Variants in CADPS2 observed in about 807,000 individuals in gnomAD.
CADPS2 encodes the protein calcium dependent secretion activator 2.
Under a neutral mutation model 172.5 loss-of-function variants are expected in CADPS2, and 93 were observed. The observed-to-expected ratio is 0.54, with a 90% CI of 0.46 to 0.64. The LOEUF is 0.64. Ranked by LOEUF, CADPS2 falls within the 30% of genes least tolerant of loss-of-function variation. The pLI is 0.00. For synonymous variants in CADPS2, 546 were observed against 555.2 expected, an observed-to-expected ratio of 0.98 and a Z score of 0.23; for missense variants, 1,420 against 1,565.9, an observed-to-expected ratio of 0.91 and a Z score of 1.57.
chr7:122,469,894 T>C (rs1257363610), intron 14 of CADPS2, among the ~76,000 whole-genome samples: 5 of 152,126 alleles, frequency 3.3e-5, no homozygotes, highest in African/African-American at 1.2e-4. Context: ...ATGAGATAAG[T>C]ACAGACAAAA....
intron 27 of CADPS2, among the ~76,000 whole-genome samples, chr7:122,345,918 C>CCTTTTT (rs2037547835): frequency 5.8e-5 from 8 of 138,754 alleles, no homozygotes; most frequent in Non-Finnish European, 1.2e-4. Flanking sequence ...CCGTAGATAT[C>CCTTTTT]TTTTTTTTTT....
At chr7:122,548,526 A>G (rs1241083462) in intron 8 of CADPS2, among the ~76,000 whole-genome samples, 3 of 152,344 alleles carry the variant, frequency 2.0e-5, no homozygotes, top group South Asian at 4.1e-4. Flanking sequence ...AAATTTTAAT[A>G]TCACAACTAG....
chr7:122,676,889 T>C (rs145511563), intron 2 of CADPS2: 2 of 483,986 alleles, frequency 4.1e-6, no homozygotes, highest in African/African-American at 3.9e-5. Context: ...AATGGATTCT[T>C]TGTTGGCACT....
chr7:122,592,988 G>GAATAAATAAATAAATA (rs141800604), intron 6 of CADPS2, among the ~76,000 whole-genome samples: 51 of 148,244 alleles, frequency 3.4e-4, no homozygotes, highest in African/African-American at 9.5e-4. Context: ...GAAGTAAAAT[G>GAATAAATAAATAAATA]AATAAATAAA....
chr7:122,645,455 GTA>G lies in CADPS2; in HGVS notation c.787-16129_787-16128del, dbSNP rs1404886897. Among the ~76,000 whole-genome samples the G allele has an allele frequency of 4.9e-5, 4 of 81,294 alleles. No homozygotes were observed. The East Asian group carries it at 1.0e-3, about 21-fold the overall frequency. 53.3% of individuals were successfully genotyped at this position (81,294 alleles called of 152,430 possible). On this transcript the variant is annotated intron_variant, in intron 3 of 29. Coordinates refer to ENST00000449022, the MANE Select transcript of CADPS2 (RefSeq NM_017954.11). ...TATATGTATATATACACACACATAT[GTA>G]TATATGTGTATATATGTATATATAT... is the stretch of plus-strand genomic sequence containing the variant.
chr7:122,446,290 G>A (rs2052187669), intron 15 of CADPS2, among the ~76,000 whole-genome samples: 1 of 152,126 alleles, frequency 6.6e-6, no homozygotes, highest in South Asian at 2.1e-4. Flanking sequence ...AGATGCTGGA[G>A]ATAGTTTTGT....
chr7:122,626,387 G>A (rs2076092402), intron 4 of CADPS2, among the ~76,000 whole-genome samples: 1 of 152,146 alleles, frequency 6.6e-6, no homozygotes, highest in East Asian at 1.9e-4. Flanking sequence ...TGAAGGTAAA[G>A]ATAAAGGATT....
At chr7:122,336,572 A>T (rs2035887273) in intron 28 of CADPS2, among the ~76,000 whole-genome samples, 1 of 152,238 alleles carries the variant, frequency 6.6e-6, no homozygotes, top group African/African-American at 2.4e-5. Flanking sequence ...ATGCTAAATA[A>T]CTTTCAAATG....
Position 122,564,826 on chromosome 7 carries a change from G to GACACACACAT in CADPS2, c.1336-10147_1336-10138dup, listed in dbSNP as rs1563717659. Among the ~76,000 whole-genome samples the GACACACACAT allele has an allele frequency of 3.0e-5, 4 of 131,184 alleles. No homozygotes were observed. The East Asian group carries it at 9.1e-4, about 30-fold the overall frequency. The allele number at this position is 131,184 out of a possible 152,430, so 86.1% of individuals were successfully genotyped here. ...TTGCATAAACATATGTGTGTACACA[G>GACACACACAT]ACACACACATACACACACATGCACA... is the stretch of plus-strand genomic sequence containing the variant. On this transcript the variant is annotated intron_variant, in intron 7 of 29. Coordinates refer to ENST00000449022, the MANE Select transcript of CADPS2 (RefSeq NM_017954.11).
chr7:122,508,918 T>A (rs953815258), intron 9 of CADPS2, among the ~76,000 whole-genome samples: 1 of 152,092 alleles, frequency 6.6e-6, no homozygotes, highest in Non-Finnish European at 1.5e-5. Context: ...AAAAATTGCA[T>A]GGTTTGATTT....
At chr7:122,355,225 T>C (rs756107117) in intron 27 of CADPS2, among the ~76,000 whole-genome samples, 19 of 152,190 alleles carry the variant, frequency 1.2e-4, no homozygotes, top group Non-Finnish European at 2.6e-4. Flanking sequence ...CTTTTCTGCA[T>C]AGGAATGCCA....
At chr7:122,720,364 C>A (rs1021560877) in intron 2 of CADPS2, among the ~76,000 whole-genome samples, 4 of 151,132 alleles carry the variant, frequency 2.6e-5, no homozygotes, top group Admixed American at 6.6e-5. Context: ...TATACTTTGA[C>A]AATAAATAAG....
chr7:122,323,564 T>C (rs1303554791), intron 29 of CADPS2, among the ~76,000 whole-genome samples: 1 of 151,920 alleles, frequency 6.6e-6, no homozygotes, highest in African/African-American at 2.4e-5. Flanking sequence ...TATACCTCAA[T>C]AAAATGAAAA....
chr7:122,404,290 A>G (rs2046347889), intron 20 of CADPS2, among the ~76,000 whole-genome samples: 1 of 152,158 alleles, frequency 6.6e-6, no homozygotes, highest in African/African-American at 2.4e-5. Flanking sequence ...GATGGTTTCC[A>G]GCTTCATCCA....
At chr7:122,561,065 A>G (rs2065694711) in intron 7 of CADPS2, among the ~76,000 whole-genome samples, 1 of 152,142 alleles carries the variant, frequency 6.6e-6, no homozygotes, top group Admixed American at 6.6e-5. Flanking sequence ...TTCTTATTTG[A>G]TTTAATATCA....
rs141383523 is a variant in CADPS2 at position 122,459,901 on chromosome 7, G to A, written c.2187-8426C>T. On this transcript the variant is annotated intron_variant, in intron 14 of 29. Coordinates refer to ENST00000449022, the MANE Select transcript of CADPS2 (RefSeq NM_017954.11). ...ATACAAAATAAAAATTAGACAATAA[G>A]TATACAATTACATTTAAGAAGGGCA... Among the ~76,000 whole-genome samples the A allele has an allele frequency of 2.3e-3, 351 of 152,168 alleles. 2 individuals carry two copies. Among genetic ancestry groups the A allele is most frequent in the African/African-American group, 8.0e-3 (332 of 41,526 alleles).
At chr7:122,516,608 AAAAC>A (rs1223423959) in intron 8 of CADPS2, among the ~76,000 whole-genome samples, 3 of 152,154 alleles carry the variant, frequency 2.0e-5, no homozygotes, top group Non-Finnish European at 4.4e-5. Flanking sequence ...TAAACACTCA[AAAAC>A]AATCTAAAAA....
chr7:122,350,847 A>G (rs1001557027), intron 27 of CADPS2, among the ~76,000 whole-genome samples: 1 of 151,752 alleles, frequency 6.6e-6, no homozygotes, highest in Non-Finnish European at 1.5e-5. Context: ...TTAGCCAGGC[A>G]TGGTGGTGCA....
At chr7:122,364,456 G>A (rs1414289528) in intron 25 of CADPS2, among the ~76,000 whole-genome samples, 2 of 146,774 alleles carry the variant, frequency 1.4e-5, no homozygotes, top group Admixed American at 6.8e-5. Context: ...GCCAGGTGCC[G>A]TGGCTCACGG....
Sources: gnomAD v4.1 joint callset for allele counts (sites outside exome capture counted in the v4.1 genomes callset) on GRCh38, gnomAD v4.1.1 for gene constraint, MANE v1.5 for transcripts, NCBI Gene and HGNC (gene_info 2026-07-23, HGNC 2026-07-21) for gene names.